Variants in GRM5 observed in about 807,000 individuals in gnomAD.
GRM5 encodes the protein glutamate metabotropic receptor 5, also known as metabotropic glutamate receptor 5.
A neutral mutation model predicts 83.1 loss-of-function variants in GRM5; 19 were observed. The observed-to-expected ratio is 0.23, with a 90% CI of 0.16 to 0.34. GRM5 has a LOEUF of 0.34. GRM5 is among the 10% of genes least tolerant of loss of function. The probability of loss-of-function intolerance (pLI) is 1.00; values close to 1 mark genes in which losing one functional copy is unlikely to be tolerated. For missense variants in GRM5, 1,160 were observed against 1,588.3 expected, an observed-to-expected ratio of 0.73 and a Z score of 4.58; for synonymous variants, 675 against 633.6, an observed-to-expected ratio of 1.07 and a Z score of -0.98.
chr11:88,772,912 G>C (rs1565223822), intron 3 of GRM5, among the ~76,000 whole-genome samples: 2 of 152,036 alleles, frequency 1.3e-5, no homozygotes, highest in Non-Finnish European at 2.9e-5. Flanking sequence ...ATAAACATAT[G>C]TGTGCATGTG....
chr11:88,661,416 G>A lies in GRM5; in HGVS notation c.912-8013C>T, dbSNP rs910591632. Among the ~76,000 whole-genome samples the A allele has an allele frequency of 2.0e-5, 3 of 151,934 alleles. No homozygotes were observed. The East Asian group carries it at 5.8e-4, about 29-fold the overall frequency. On this transcript the variant is annotated intron_variant, in intron 3 of 9. Transcript: ENST00000305447. ...ATGGTCCTCTTGTTATCTACCTGAT[G>A]TTATTAAGGTTAATGAATGTATTCA...
At chr11:88,764,615 AAAAAC>A (rs1249262304) in intron 3 of GRM5, among the ~76,000 whole-genome samples, 1 of 151,732 alleles carries the variant, frequency 6.6e-6, no homozygotes, top group East Asian at 1.9e-4. Flanking sequence ...CATGAATCAA[AAAAAC>A]AAATCACAGG....
intron 2 of GRM5, among the ~76,000 whole-genome samples, chr11:88,881,049 T>C (rs1240059454): frequency 6.6e-6 from 1 of 152,110 alleles, no homozygotes; most frequent in East Asian, 1.9e-4. Context: ...CAGGAAAGCC[T>C]AAATGAAGGT....
chr11:89,018,850 T>C (rs1425713325), intron 2 of GRM5, among the ~76,000 whole-genome samples: 3 of 152,226 alleles, frequency 2.0e-5, no homozygotes, highest in Non-Finnish European at 4.4e-5. Flanking sequence ...ACTGTAAATA[T>C]TGCACAGAAA....
At chr11:88,523,355 CT>C (rs1941756217) in intron 9 of GRM5, among the ~76,000 whole-genome samples, 7 of 152,172 alleles carry the variant, frequency 4.6e-5, no homozygotes, top group Non-Finnish European at 1.0e-4. Flanking sequence ...AGAAGTCACT[CT>C]GGGAAGAGCC....
chr11:88,543,910 G>A lies in GRM5; in HGVS notation c.2631-18506C>T, dbSNP rs144366374. ...TTCACGTGTTGAAAACTTAATTGCC[G>A]TGTAACAGTATTAAGAGGTGGGACA... On this transcript the variant is annotated intron_variant, in intron 8 of 9. Coordinates refer to ENST00000305447, the MANE Select transcript of GRM5 (RefSeq NM_001143831.3). Among the ~76,000 whole-genome samples, 12 of 152,188 alleles carry A rather than the reference G, an allele frequency of 7.9e-5. 1 individual carries two copies. In the South Asian group the frequency reaches 1.0e-3, roughly 13 times the overall value.
At chr11:88,715,445 T>C (rs1941380140) in intron 3 of GRM5, among the ~76,000 whole-genome samples, 1 of 150,804 alleles carries the variant, frequency 6.6e-6, no homozygotes, top group Admixed American at 6.6e-5. Flanking sequence ...AAAAAAAAAC[T>C]ATATAATTCT....
At chr11:88,620,236 T>C (rs1938596714) in intron 4 of GRM5, among the ~76,000 whole-genome samples, 1 of 152,236 alleles carries the variant, frequency 6.6e-6, no homozygotes, top group South Asian at 2.1e-4. Context: ...ATGTTTATCT[T>C]GGATCTTCCA....
At chr11:88,612,025 G>A (rs1176252775) in intron 4 of GRM5, among the ~76,000 whole-genome samples, 1 of 150,810 alleles carries the variant, frequency 6.6e-6, no homozygotes, top group Non-Finnish European at 1.5e-5. Flanking sequence ...GTGCAGGTTA[G>A]TTACATATGT....
intron 3 of GRM5, among the ~76,000 whole-genome samples, chr11:88,771,838 C>A (rs1218477975): frequency 6.6e-6 from 1 of 152,114 alleles, no homozygotes; most frequent in Non-Finnish European, 1.5e-5. Flanking sequence ...ATATAATCGG[C>A]ATACAGAAAA....
At chr11:89,003,675 A>G (rs2135074489) in intron 2 of GRM5, among the ~76,000 whole-genome samples, 1 of 146,908 alleles carries the variant, frequency 6.8e-6, no homozygotes, top group Non-Finnish European at 1.5e-5. Flanking sequence ...ACATTTAAAC[A>G]ACTTATTATT....
intron 3 of GRM5, among the ~76,000 whole-genome samples, chr11:88,721,760 G>A (rs1246403452): frequency 1.3e-5 from 2 of 152,072 alleles, no homozygotes; most frequent in Admixed American, 1.3e-4. Flanking sequence ...CAGTAATGAA[G>A]TTTTTATGCC....
At chr11:88,842,546 G>A (rs1944221817) in intron 3 of GRM5, among the ~76,000 whole-genome samples, 2 of 152,258 alleles carry the variant, frequency 1.3e-5, no homozygotes, top group South Asian at 4.1e-4. Flanking sequence ...CCATTTCAGT[G>A]TTATTTTCAC....
chr11:88,542,601 A>G (rs1335717263), intron 8 of GRM5, among the ~76,000 whole-genome samples: 2 of 152,128 alleles, frequency 1.3e-5, no homozygotes, highest in African/African-American at 4.8e-5. Context: ...TAAATGATAT[A>G]CTTAAACATA....
intron 9 of GRM5, among the ~76,000 whole-genome samples, chr11:88,524,570 A>C (rs1941816152): frequency 6.6e-6 from 1 of 152,238 alleles, no homozygotes; most frequent in African/African-American, 2.4e-5. Context: ...CGTTTATTTC[A>C]TGCAACACAG....
At chr11:88,799,716 T>C (rs1032947516) in intron 3 of GRM5, among the ~76,000 whole-genome samples, 2 of 152,078 alleles carry the variant, frequency 1.3e-5, no homozygotes, top group Non-Finnish European at 2.9e-5. Context: ...AGAGCAACAT[T>C]AGCTATTTTG....
At position 88,506,510 on chromosome 11, in the gene GRM5, G is replaced by T. The variant is rs1941187151; in HGVS notation, c.*2082C>A. The T allele has an allele frequency of 6.6e-6, 1 of 152,078 alleles. No individual in the cohort carries two copies. Among genetic ancestry groups the T allele is most frequent in the Non-Finnish European group, 1.5e-5 (1 of 67,994 alleles). 9.4% of individuals were successfully genotyped at this position (152,078 alleles called of 1,614,324 possible). Reference sequence around the variant, plus strand: ...GTTTTTCAGATAGAGGCAGACATTTGCTTTTAATGAAACCATGAAACTTAG... The same window carrying T: ...GTTTTTCAGATAGAGGCAGACATTTTCTTTTAATGAAACCATGAAACTTAG... On this transcript the variant is annotated 3_prime_UTR_variant, in exon 10 of 10. Transcript: ENST00000305447.
chr11:88,929,927 C>A (rs1937650036), intron 2 of GRM5, among the ~76,000 whole-genome samples: 1 of 152,022 alleles, frequency 6.6e-6, no homozygotes, highest in African/African-American at 2.4e-5. Flanking sequence ...CCCAAGTTTG[C>A]TTTAAAGTAA....
intron 2 of GRM5, among the ~76,000 whole-genome samples, chr11:88,943,600 C>T (rs1327935755): frequency 2.0e-5 from 3 of 151,998 alleles, no homozygotes; most frequent in Admixed American, 2.0e-4. Context: ...TGATGTACAC[C>T]AAGCTCCCAA....
Sources: gnomAD v4.1 joint callset for allele counts (sites outside exome capture counted in the v4.1 genomes callset) on GRCh38, gnomAD v4.1.1 for gene constraint, MANE v1.5 for transcripts, NCBI Gene and HGNC (gene_info 2026-07-23, HGNC 2026-07-21) for gene names.